Variants in EPHA4 observed in about 807,000 individuals in gnomAD.
The protein encoded by EPHA4 is EPH receptor A4, also known as ephrin type-A receptor 4.
A neutral mutation model predicts 108.3 loss-of-function variants in EPHA4; 19 were observed. The ratio of observed to expected loss-of-function variants is 0.18; its 90% CI spans 0.12 to 0.26. The LOEUF (loss-of-function observed/expected upper bound fraction) is 0.26, where lower values mean the gene tolerates loss of function less well. EPHA4 is among the 10% of genes least tolerant of loss of function. The pLI, the probability that EPHA4 is intolerant of heterozygous loss-of-function variation, is 1.00. For synonymous variants in EPHA4, 449 were observed against 455.5 expected (o/e 0.99, Z 0.18); for missense variants, 917 against 1,254.0 (o/e 0.73, Z 4.06).
chr2:221,535,899 TA>T (rs1693655756), intron 3 of EPHA4, among the ~76,000 whole-genome samples: 2 of 152,168 alleles, frequency 1.3e-5, no homozygotes, highest in South Asian at 4.2e-4. Flanking sequence ...GAGCCAGGGG[TA>T]GAGACCAAAC....
chr2:221,488,685 T>A (rs1692048651), intron 4 of EPHA4, among the ~76,000 whole-genome samples: 1 of 152,164 alleles, frequency 6.6e-6, no homozygotes, highest in Non-Finnish European at 1.5e-5. Context: ...TGATAGTAGA[T>A]ACAAAGGGCT....
At chr2:221,539,663 AG>A (rs1423852292) in intron 3 of EPHA4, among the ~76,000 whole-genome samples, 4 of 152,182 alleles carry the variant, frequency 2.6e-5, no homozygotes, top group Non-Finnish European at 5.9e-5. Context: ...GCTTTGACAC[AG>A]GGCCCCAGTA....
intron 9 of EPHA4, 112 bp from the exon 10 acceptor site, chr2:221,443,718 G>C: frequency 3.1e-6 from 2 of 638,054 alleles, no homozygotes. Context: ...TAGCTGTACG[G>C]TCTTGACATA....
At chr2:221,513,595 G>A (rs1354231544) in intron 3 of EPHA4, among the ~76,000 whole-genome samples, 2 of 152,098 alleles carry the variant, frequency 1.3e-5, no homozygotes, top group African/African-American at 2.4e-5. Flanking sequence ...AACGTATTAC[G>A]ATTCTCTGCT....
chr2:221,511,851 C>T (rs1692842653), intron 3 of EPHA4, among the ~76,000 whole-genome samples: 1 of 152,072 alleles, frequency 6.6e-6, no homozygotes, highest in East Asian at 1.9e-4. Flanking sequence ...TTATTCTAAC[C>T]TTTGTTCTAA....
At chr2:221,451,231 G>A (rs1277377972) in intron 8 of EPHA4, among the ~76,000 whole-genome samples, 6 of 152,146 alleles carry the variant, frequency 3.9e-5, no homozygotes, top group Admixed American at 2.0e-4. Flanking sequence ...CAATCAATAC[G>A]GTAATACTGT....
chr2:221,554,720 T>A (rs1363600779), intron 3 of EPHA4, among the ~76,000 whole-genome samples: 2 of 152,176 alleles, frequency 1.3e-5, no homozygotes, highest in Non-Finnish European at 2.9e-5. Context: ...ATTTTAATTG[T>A]GATTCTAGGT....
chr2:221,430,457 C>T (rs902588441), intron 14 of EPHA4, among the ~76,000 whole-genome samples: 7 of 152,132 alleles, frequency 4.6e-5, no homozygotes, highest in African/African-American at 7.2e-5. Flanking sequence ...TCATGTGGCC[C>T]TGCCCCCTGC....
At chr2:221,498,865 C>T (rs971772292) in intron 4 of EPHA4, among the ~76,000 whole-genome samples, 3 of 149,386 alleles carry the variant, frequency 2.0e-5, no homozygotes, top group African/African-American at 7.4e-5. Flanking sequence ...AATCTCGGCT[C>T]ACTGCAACCT....
At chr2:221,566,278 G>C (rs1694625204) in intron 2 of EPHA4, among the ~76,000 whole-genome samples, 1 of 151,752 alleles carries the variant, frequency 6.6e-6, no homozygotes, top group African/African-American at 2.4e-5. Flanking sequence ...GTCATTATCA[G>C]ACCAAATTAC....
At chr2:221,543,006 A>G (rs1693883560) in intron 3 of EPHA4, among the ~76,000 whole-genome samples, 1 of 152,166 alleles carries the variant, frequency 6.6e-6, no homozygotes, top group South Asian at 2.1e-4. Context: ...ACATATAATG[A>G]TCCTATATGT....
chr2:221,471,188 T>C (rs995488409), intron 5 of EPHA4, among the ~76,000 whole-genome samples: 1 of 152,168 alleles, frequency 6.6e-6, no homozygotes, highest in Middle Eastern at 3.2e-3. Flanking sequence ...TAATAAAGAA[T>C]GTATTACGAA....
At chr2:221,431,257 A>T (rs768443647) in intron 14 of EPHA4, among the ~76,000 whole-genome samples, 1 of 152,170 alleles carries the variant, frequency 6.6e-6, no homozygotes, top group Admixed American at 6.5e-5. Context: ...TTTTCTTTCT[A>T]TCAACATGAT....
At chr2:221,513,276 T>C (rs1365116646) in intron 3 of EPHA4, among the ~76,000 whole-genome samples, 1 of 152,224 alleles carries the variant, frequency 6.6e-6, no homozygotes, top group Non-Finnish European at 1.5e-5. Flanking sequence ...CCTCCATTTA[T>C]TTAAAAGTAA....
intron 17 of EPHA4, among the ~76,000 whole-genome samples, chr2:221,422,614 A>T (rs544510947): frequency 6.6e-6 from 1 of 152,340 alleles, no homozygotes; most frequent in South Asian, 2.1e-4. Flanking sequence ...CCAGGATACG[A>T]GTTGAGTGAA....
Position 221,562,875 on chromosome 2 carries a change from G to A in EPHA4, c.823+856C>T, listed in dbSNP as rs1444164749. Among the ~76,000 whole-genome samples, 4 of 151,988 alleles carry A rather than the reference G, an allele frequency of 2.6e-5. No individual in the cohort carries two copies. In the East Asian group the frequency reaches 7.7e-4, roughly 29 times the overall value. The stretch of plus-strand genomic sequence containing the variant: ...CTCCCCAGTATTCTGACAGGAAGGG[G>A]TAAAAAAGCAAGAATCAACTGCATA... On this transcript the variant is annotated intron_variant, in intron 3 of 17. Coordinates refer to ENST00000281821, the MANE Select transcript of EPHA4 (RefSeq NM_004438.5).
chr2:221,436,576 C>T lies in EPHA4; in HGVS notation c.2169G>A (p.Leu723=), dbSNP rs1690246483. The T allele has an allele frequency of 6.2e-7, 1 of 1,614,174 alleles. No individual in the cohort carries two copies. Among genetic ancestry groups the T allele is most frequent in the African/African-American group, 1.3e-5 (1 of 75,046 alleles). The change falls in exon 13 of 18, where the codon CTG becomes CTA. Residue 723 remains leucine (L), a synonymous_variant. Transcript: ENST00000281821. ...ACCCAATGCCACGAAGCATGCCCACCAGCTGAATGACTGTAAATCTGCCAT... is the reference window on the plus strand; with the variant it reads ...ACCCAATGCCACGAAGCATGCCCACTAGCTGAATGACTGTAAATCTGCCAT... The part of the protein sequence containing the change: ...KNDGRFTVIQ[L]VGMLRGIGSG...
intron 17 of EPHA4, among the ~76,000 whole-genome samples, chr2:221,422,537 T>A (rs1393151093): frequency 6.6e-6 from 1 of 152,190 alleles, no homozygotes; most frequent in Non-Finnish European, 1.5e-5. Context: ...ACTTGGTGTG[T>A]ATGCAGAAAT....
At chr2:221,454,807 G>A (rs919500389) in intron 8 of EPHA4, among the ~76,000 whole-genome samples, 1 of 152,146 alleles carries the variant, frequency 6.6e-6, no homozygotes, top group Non-Finnish European at 1.5e-5. Context: ...TCCTTTTTAG[G>A]TTATTTTTTA....
Sources: gnomAD v4.1 joint callset for allele counts (sites outside exome capture counted in the v4.1 genomes callset) on GRCh38, gnomAD v4.1.1 for gene constraint, MANE v1.5 for transcripts, NCBI Gene and HGNC (gene_info 2026-07-23, HGNC 2026-07-21) for gene names.